IQGAP1: variants seen among roughly 807,000 people sequenced by gnomAD.
IQGAP1 encodes IQ motif containing GTPase activating protein 1.
IQGAP1 carries 66 observed loss-of-function variants against 215.6 expected under a neutral mutation model. The observed-to-expected ratio is 0.31, with a 90% CI of 0.25 to 0.38. The LOEUF (loss-of-function observed/expected upper bound fraction) is 0.38. Ranked by LOEUF, IQGAP1 falls within the 10% of genes least tolerant of loss-of-function variation. IQGAP1 has a pLI of 1.00. For synonymous variants in IQGAP1, 772 were observed against 728.7 expected (o/e 1.06, Z -0.96); for missense variants, 1,712 against 1,997.1 (o/e 0.86, Z 2.72).
chr15:90,491,612 C>G (rs967329610), intron 34 of IQGAP1, 67 bp downstream of exon 34: 1 of 1,279,892 alleles, frequency 7.8e-7, no homozygotes, highest in Non-Finnish European at 1.1e-6. Context: ...GAGACAGTAG[C>G]TGTTCACATA....
In IQGAP1 at chr15:90,500,511, A is replaced by T. The variant is rs2151042786; in HGVS notation, c.*403A>T. The T allele has an allele frequency of 6.3e-6, 1 of 159,200 alleles. No homozygotes were observed. The highest frequency in any genetic ancestry group is 6.1e-5 in the Admixed American group (1 of 16,378). The allele number at this position is 159,200 out of a possible 1,614,324, so 9.9% of individuals were successfully genotyped here. On this transcript the variant is annotated 3_prime_UTR_variant, in exon 38 of 38. Coordinates refer to ENST00000268182, the MANE Select transcript of IQGAP1 (RefSeq NM_003870.4). ...GAAGTGGAAGCTATTAGCACCAATG[A>T]CATAAATACATACAAGACACACAAC...
chr15:90,463,068 A>ATG (rs1205717157), intron 15 of IQGAP1, among the ~76,000 whole-genome samples: 1 of 150,420 alleles, frequency 6.6e-6, no homozygotes, highest in African/African-American at 2.4e-5. Context: ...GATGAGGTGT[A>ATG]GTGTATGCTG....
At chr15:90,499,897 A>G in intron 37 of IQGAP1, 98 bp from the exon 38 acceptor site, 1 of 779,662 alleles carries the variant, frequency 1.3e-6, no homozygotes, top group South Asian at 1.6e-5. Context: ...GCCTCAGTCC[A>G]TCTGGATCCC....
intron 1 of IQGAP1, among the ~76,000 whole-genome samples, chr15:90,388,604 C>G (rs1964587295): frequency 6.6e-6 from 1 of 152,072 alleles, no homozygotes; most frequent in African/African-American, 2.4e-5. Context: ...GGAGAGGACC[C>G]CCGAGGCCTC....
chr15:90,396,614 G>A (rs1357651616), intron 2 of IQGAP1, among the ~76,000 whole-genome samples: 3 of 152,104 alleles, frequency 2.0e-5, no homozygotes, highest in Non-Finnish European at 2.9e-5. Context: ...TCTTAAAATG[G>A]TGACATACAC....
rs141381086 is a variant in IQGAP1 at position 90,471,932 on chromosome 15, G to A, written c.2179-908G>A. Among the ~76,000 whole-genome samples the A allele has an allele frequency of 7.5e-3, 1,140 of 152,058 alleles. 12 individuals are homozygous for A. Among genetic ancestry groups the A allele is most frequent in the African/African-American group, 0.026 (1,089 of 41,444 alleles). On this transcript the variant is annotated intron_variant, in intron 18 of 37. Transcript: ENST00000268182. ...GTTCCTAACCATTCTTACTGCTGCT[G>A]CCCTTGTTCAAGCCCAGGCCATCTG...
chr15:90,429,808 G>T, intron 4 of IQGAP1, 142 bp downstream of exon 4: 1 of 513,696 alleles, frequency 1.9e-6, no homozygotes, highest in Non-Finnish European at 3.5e-6. Flanking sequence ...CTTTCTTTTT[G>T]ACTTAGGAAA....
intron 1 of IQGAP1, 94 bp downstream of exon 1, chr15:90,388,490 A>G: frequency 3.4e-6 from 2 of 594,826 alleles, no homozygotes; most frequent in Non-Finnish European, 4.8e-6. Context: ...CGGGTGGGGC[A>G]GGGCGGCTGC....
chr15:90,478,171 T>C (rs1207827805), intron 26 of IQGAP1, among the ~76,000 whole-genome samples: 2 of 152,064 alleles, frequency 1.3e-5, no homozygotes, highest in East Asian at 3.9e-4. Flanking sequence ...TTTGTATTTT[T>C]AGTAAGACTG....
intron 24 of IQGAP1, 57 bp downstream of exon 24, chr15:90,476,875 G>A: frequency 6.4e-7 from 1 of 1,551,456 alleles, no homozygotes. Flanking sequence ...TTTTCCACAA[G>A]AAAGCCTTAC....
In IQGAP1 at chr15:90,500,260, G is replaced by A. The variant is rs906337660; in HGVS notation, c.*152G>A. 3 of 577,386 alleles carry A rather than the reference G, an allele frequency of 5.2e-6. No individual in the cohort carries two copies. The highest frequency in any genetic ancestry group is 3.7e-5 in the African/African-American group (2 of 53,592). 35.8% of individuals were successfully genotyped at this position (577,386 alleles called of 1,614,324 possible). ...CGATGCCACATTTTTAACTCCTCTC[G>A]CTCTGATGGGACATTTGTTACCCTT... On this transcript the variant is annotated 3_prime_UTR_variant, in exon 38 of 38. Transcript: ENST00000268182.
intron 5 of IQGAP1, among the ~76,000 whole-genome samples, chr15:90,436,701 G>C (rs1325651875): frequency 6.6e-6 from 1 of 152,200 alleles, no homozygotes; most frequent in African/African-American, 2.4e-5. Flanking sequence ...AGCAAAGATT[G>C]GAAAGTGCTG....
chr15:90,433,666 C>A, intron 4 of IQGAP1, 53 bp from the exon 5 acceptor site: 1 of 1,039,042 alleles, frequency 9.6e-7, no homozygotes, highest in South Asian at 1.4e-5. Context: ...TGGTGAATGT[C>A]AGATGAACAC....
intron 5 of IQGAP1, among the ~76,000 whole-genome samples, chr15:90,437,681 G>A (rs1484993531): frequency 1.3e-5 from 2 of 152,022 alleles, no homozygotes; most frequent in Admixed American, 1.3e-4. Context: ...TAGGACTACA[G>A]GCATGCACCA....
At chr15:90,397,889 T>TTTTTTATC (rs1555434241) in intron 2 of IQGAP1, 1 of 126,946 alleles carries the variant, frequency 7.9e-6, no homozygotes, top group Non-Finnish European at 1.6e-5. Flanking sequence ...TTTTTTTTTC[T>TTTTTTATC]TTTTTTTTTT....
intron 8 of IQGAP1, among the ~76,000 whole-genome samples, chr15:90,442,145 C>G (rs192088473): frequency 6.6e-6 from 1 of 152,266 alleles, no homozygotes; most frequent in Non-Finnish European, 1.5e-5. Context: ...CCCAGATTCT[C>G]TGGGGTAAAA....
intron 2 of IQGAP1, among the ~76,000 whole-genome samples, chr15:90,417,137 T>G (rs1451803344): frequency 6.6e-6 from 1 of 152,198 alleles, no homozygotes; most frequent in Non-Finnish European, 1.5e-5. Context: ...ATTGCAAAAA[T>G]TTTCTCCCAT....
Position 90,446,327 on chromosome 15 carries a change from T to G in IQGAP1, c.914-2246T>G, listed in dbSNP as rs148473037. On this transcript the variant is annotated intron_variant, in intron 9 of 37. Coordinates refer to ENST00000268182, the MANE Select transcript of IQGAP1 (RefSeq NM_003870.4). ...AAATGTCCTATTCATATTATTATTA[T>G]GTAGTCAGAGGAGCAAAATAATAAA... 3.3e-5 allele frequency among the ~76,000 whole-genome samples: 5 copies of G among 152,360 alleles called. No individual in the cohort carries two copies. The East Asian group carries it at 9.6e-4, about 29-fold the overall frequency.
intron 4 of IQGAP1, among the ~76,000 whole-genome samples, chr15:90,433,492 A>G (rs1384579067): frequency 6.6e-6 from 1 of 152,216 alleles, no homozygotes; most frequent in Non-Finnish European, 1.5e-5. Flanking sequence ...AGATTTTCCA[A>G]GTAGTACTTT....
Sources: allele counts gnomAD v4.1 joint callset (sites outside exome capture counted in the v4.1 genomes callset), GRCh38; gene constraint gnomAD v4.1.1; transcripts MANE v1.5; gene names NCBI Gene and HGNC (gene_info 2026-07-23, HGNC 2026-07-21).